Variants in RAMP1 observed in about 807,000 individuals in gnomAD.
The protein encoded by RAMP1 is receptor activity-modifying protein 1.
In RAMP1, 7 loss-of-function variants were observed where a neutral mutation model predicts 8.2. The observed-to-expected ratio is 0.85, with a 90% CI of 0.49 to 1.60. The LOEUF is 1.60. Among genes scored for constraint, RAMP1 ranks in the 40% most tolerant of loss-of-function variants. The pLI is 0.00. For missense variants in RAMP1, 192 were observed against 202.4 expected, an observed-to-expected ratio of 0.95 and a Z score of 0.31; for synonymous variants, 92 against 84.7, an observed-to-expected ratio of 1.09 and a Z score of -0.47.
intron 2 of RAMP1, among the ~76,000 whole-genome samples, chr2:237,899,633 G>A (rs761566815): frequency 2.0e-5 from 3 of 152,372 alleles, no homozygotes; most frequent in Non-Finnish European, 4.4e-5. Flanking sequence ...TAGGGGACTT[G>A]AGTGTCTATT....
intron 1 of RAMP1, among the ~76,000 whole-genome samples, chr2:237,861,712 A>G (rs1006024753): frequency 1.1e-4 from 17 of 152,094 alleles, no homozygotes; most frequent in Admixed American, 3.3e-4. Context: ...TTAGGCAGGC[A>G]TGGTGGCAGG....
intron 1 of RAMP1, among the ~76,000 whole-genome samples, chr2:237,876,220 CCCAATCTGCCTGCCCAAGGGCAG>C (rs2062301846): frequency 6.6e-6 from 1 of 152,204 alleles, no homozygotes; most frequent in Non-Finnish European, 1.5e-5. Context: ...GAACCCCTCG[CCCAATCTGCCTGCCCAAGGGCAG>C]CCACCTCTCC....
At position 237,912,061 on chromosome 2, in the gene RAMP1, C is replaced by A; in HGVS notation, c.*278C>A. ...CAGCCTAGACTGCTTACCCCATAGC[C>A]ACATTTGTGGATGAGTGGTTTGTGA... On this transcript the variant is annotated 3_prime_UTR_variant, in exon 3 of 3. Coordinates refer to ENST00000254661, the MANE Select transcript of RAMP1 (RefSeq NM_005855.4). 2.1e-6 allele frequency: 1 copy of A among 485,934 alleles called. No homozygotes were observed. The highest frequency in any genetic ancestry group is 3.7e-6 in the Non-Finnish European group (1 of 272,532). The allele number at this position is 485,934 out of a possible 1,614,324, so 30.1% of individuals were successfully genotyped here.
rs573746701 is a variant in RAMP1, at chr2:237,882,609, C to T, written c.191+5247C>T. 8.5e-5 allele frequency among the ~76,000 whole-genome samples: 13 copies of T among 152,294 alleles called. No individual in the cohort carries two copies. The East Asian group carries it at 9.7e-4, about 11-fold the overall frequency. On this transcript the variant is annotated intron_variant, in intron 2 of 2. Transcript: ENST00000254661. Reference sequence around the variant, plus strand: ...CCTTCAGGTGCTGCCTCCGTCCTGGCGATGTCCCTACCAACCTGGTGAGGT... The same window carrying T: ...CCTTCAGGTGCTGCCTCCGTCCTGGTGATGTCCCTACCAACCTGGTGAGGT...
chr2:237,900,649 A>G (rs1216257785), intron 2 of RAMP1, among the ~76,000 whole-genome samples: 1 of 152,182 alleles, frequency 6.6e-6, no homozygotes, highest in African/African-American at 2.4e-5. Flanking sequence ...ATTCATTTGT[A>G]CATATAGTAT....
intron 1 of RAMP1, among the ~76,000 whole-genome samples, chr2:237,860,616 C>T (rs139797539): frequency 1.9e-4 from 29 of 152,340 alleles, no homozygotes; most frequent in Non-Finnish European, 4.0e-4. Context: ...TTAACGGAAA[C>T]TGTGAATAGG....
intron 2 of RAMP1, among the ~76,000 whole-genome samples, chr2:237,900,168 T>C (rs986406077): frequency 1.3e-5 from 2 of 152,188 alleles, no homozygotes; most frequent in African/African-American, 4.8e-5. Context: ...GTTTATTTGT[T>C]TGTTTGTTTA....
rs968819991 is a variant in RAMP1, at chr2:237,865,445, A to G, written c.52+5718A>G. Among the ~76,000 whole-genome samples the G allele has an allele frequency of 1.3e-5, 2 of 152,030 alleles. No homozygotes were observed. The highest frequency in any genetic ancestry group is 6.5e-5 in the Admixed American group (1 of 15,274). On this transcript the variant is annotated intron_variant, in intron 1 of 2. Transcript: ENST00000254661. This position sits in a 1 kb window ranked among gnomAD's most constrained non-coding sequence, Gnocchi z 4.2. ...AGCCCCAGGCAAACTGGAATTTCAG[A>G]TAAACAAGAAGCATAAGCCTGTCTC... is the stretch of plus-strand genomic sequence containing the variant.
rs573681711 is a variant in RAMP1, at chr2:237,872,950, G to A, written c.53-4274G>A. The stretch of plus-strand genomic sequence containing the variant: ...TGGAAGGATTGCCTAAGCCTAAGGA[G>A]GTCAAGACTCTGCAGTAAGCCATGA... On this transcript the variant is annotated intron_variant, in intron 1 of 2. Coordinates refer to ENST00000254661, the MANE Select transcript of RAMP1 (RefSeq NM_005855.4). Among the ~76,000 whole-genome samples, 3 of 152,324 alleles carry A rather than the reference G, an allele frequency of 2.0e-5. No individual in the cohort carries two copies. The East Asian group carries it at 5.8e-4, about 29-fold the overall frequency.
intron 1 of RAMP1, among the ~76,000 whole-genome samples, chr2:237,867,340 GTCTTGCTGTC>G (rs1178509844): frequency 6.6e-6 from 1 of 152,134 alleles, no homozygotes; most frequent in African/African-American, 2.4e-5. Flanking sequence ...GGAGGGGTTG[GTCTTGCTGTC>G]TCAGTGGCGG....
At chr2:237,882,214 C>T (rs1273536050) in intron 2 of RAMP1, among the ~76,000 whole-genome samples, 2 of 152,204 alleles carry the variant, frequency 1.3e-5, no homozygotes, top group Admixed American at 6.5e-5. Flanking sequence ...TTGGCCCGTG[C>T]CTTCTTAAAT....
chr2:237,864,640 G>A (rs994118137), intron 1 of RAMP1, among the ~76,000 whole-genome samples: 1 of 152,238 alleles, frequency 6.6e-6, no homozygotes, highest in African/African-American at 2.4e-5. Context: ...GCAAAGGACA[G>A]GGGTGCAGAG....
intron 2 of RAMP1, among the ~76,000 whole-genome samples, chr2:237,895,733 T>TA: frequency 1.7e-3 from 1 of 606 alleles, no homozygotes; most frequent in East Asian, 0.015. Flanking sequence ...TTGGGCCGGC[T>TA]GGCTGGGGCT....
chr2:237,910,398 G>C (rs1049241341), intron 2 of RAMP1, among the ~76,000 whole-genome samples: 8 of 147,430 alleles, frequency 5.4e-5, no homozygotes, highest in African/African-American at 7.7e-5. Flanking sequence ...CACACACACA[G>C]AGTAACACAG....
intron 2 of RAMP1, among the ~76,000 whole-genome samples, chr2:237,887,820 C>T (rs1481333325): frequency 1.3e-5 from 2 of 152,116 alleles, no homozygotes; most frequent in Non-Finnish European, 2.9e-5. Context: ...CACCTGTAGT[C>T]CTAGGGAGGC....
At position 237,871,593 on chromosome 2, in the gene RAMP1, G is replaced by GC. The variant is rs3834115; in HGVS notation, c.53-5625dup. On this transcript the variant is annotated intron_variant, in intron 1 of 2. Transcript: ENST00000254661. ...CTGGGGAGCTCTGGGTTCCTCCACC[G>GC]CCCCCCGACCCCAACTCCCTTGGGC... 5.6e-3 allele frequency among the ~76,000 whole-genome samples: 849 copies of GC among 152,108 alleles called. 14 individuals are homozygous for GC. In the East Asian group the frequency reaches 0.061, roughly 11 times the overall value.
At chr2:237,861,851 CAAAA>C (rs11384578) in intron 1 of RAMP1, among the ~76,000 whole-genome samples, 4 of 138,560 alleles carry the variant, frequency 2.9e-5, no homozygotes, top group Non-Finnish European at 4.7e-5. Context: ...AACTCCGTCT[CAAAA>C]AAAAAAAAAA....
At position 237,862,905 on chromosome 2, in the gene RAMP1, C is replaced by A. The variant is rs1319855558; in HGVS notation, c.52+3178C>A. On this transcript the variant is annotated intron_variant, in intron 1 of 2. Coordinates refer to ENST00000254661, the MANE Select transcript of RAMP1 (RefSeq NM_005855.4). This position sits in a 1 kb window ranked among gnomAD's most constrained non-coding sequence, Gnocchi z 4.0. Reference sequence around the variant, plus strand: ...AGGCTGGATCTGAGTGGGGCTGCCACAGTCTACCCTGTGAGCCATGGGGGA... The same window carrying A: ...AGGCTGGATCTGAGTGGGGCTGCCAAAGTCTACCCTGTGAGCCATGGGGGA... Among the ~76,000 whole-genome samples, 1 of 152,214 alleles carries A rather than the reference C, an allele frequency of 6.6e-6. No individual in the cohort carries two copies. Among genetic ancestry groups the A allele is most frequent in the Non-Finnish European group, 1.5e-5 (1 of 68,030 alleles).
intron 2 of RAMP1, among the ~76,000 whole-genome samples, chr2:237,905,202 C>G (rs1035162541): frequency 1.3e-5 from 2 of 152,162 alleles, no homozygotes; most frequent in Non-Finnish European, 2.9e-5. Context: ...TTTTTCATGA[C>G]TATTTTGGGT....
Sources: gnomAD v4.1 joint callset for allele counts (sites outside exome capture counted in the v4.1 genomes callset) on GRCh38, gnomAD v4.1.1 for gene constraint, Gnocchi (gnomAD v3.1) non-coding constraint, MANE v1.5 for transcripts, NCBI Gene and HGNC (gene_info 2026-07-23, HGNC 2026-07-21) for gene names.